Variants in STK32C observed in about 807,000 individuals in gnomAD.
The protein encoded by STK32C is serine/threonine kinase 32C.
A neutral mutation model predicts 56.5 loss-of-function variants in STK32C; 31 were observed. The observed-to-expected ratio is 0.55, with a 90% CI of 0.41 to 0.74. STK32C has a LOEUF of 0.74. Ranked by LOEUF, STK32C falls within the 30% of genes least tolerant of loss-of-function variation. STK32C has a pLI of 0.00. For missense variants in STK32C, 544 were observed against 676.9 expected, an observed-to-expected ratio of 0.80 and a Z score of 2.18; for synonymous variants, 309 against 289.4, an observed-to-expected ratio of 1.07 and a Z score of -0.69.
In STK32C at chr10:132,280,113, C is replaced by CACT. The variant is rs376388399; in HGVS notation, c.262+27456_262+27458dup. Among the ~76,000 whole-genome samples the CACT allele has an allele frequency of 1.7e-3, 247 of 144,212 alleles. 4 individuals carry two copies. Among genetic ancestry groups the CACT allele is most frequent in the African/African-American group, 5.9e-3 (227 of 38,518 alleles). The allele number at this position is 144,212 out of a possible 152,430, so 94.6% of individuals were successfully genotyped here. A position where few individuals can be genotyped will look rare whatever the true frequency, so the allele number is the denominator to read the frequency against. ...TGATCACACCCCTGCATTCCGTGAT[C>CACT]ACTCTGAGGCCTCCACTCTGTGATC... On this transcript the variant is annotated intron_variant, in intron 1 of 11. Coordinates refer to ENST00000298630, the MANE Select transcript of STK32C (RefSeq NM_173575.4).
chr10:132,329,672 A>T (rs1175935112), intron 1 of STK32C, among the ~76,000 whole-genome samples: 1 of 152,208 alleles, frequency 6.6e-6, no homozygotes. Context: ...TGGGAAGCGC[A>T]GTTTGAGAGA....
intron 1 of STK32C, among the ~76,000 whole-genome samples, chr10:132,257,893 A>G (rs2064181438): frequency 6.6e-6 from 1 of 152,058 alleles, no homozygotes; most frequent in South Asian, 2.1e-4. Context: ...CTGAGGCCCA[A>G]AGGAGGCCGC....
intron 1 of STK32C, among the ~76,000 whole-genome samples, chr10:132,300,567 T>C (rs188118654): frequency 9.2e-5 from 14 of 152,374 alleles, no homozygotes; most frequent in African/African-American, 2.9e-4. Context: ...GAAGCAGGCA[T>C]ACCATACAAA....
At chr10:132,302,933 C>T (rs561829634) in intron 1 of STK32C, among the ~76,000 whole-genome samples, 2 of 152,312 alleles carry the variant, frequency 1.3e-5, no homozygotes, top group South Asian at 4.1e-4. Context: ...ACAGACCACC[C>T]AGAAAGCCAA....
intron 1 of STK32C, among the ~76,000 whole-genome samples, chr10:132,329,087 A>T (rs1233912479): frequency 6.6e-6 from 1 of 152,264 alleles, no homozygotes; most frequent in Non-Finnish European, 1.5e-5. Flanking sequence ...AGATGAAAAC[A>T]ATAAAGCACA....
At chr10:132,260,382 G>A (rs11146274) in intron 1 of STK32C, among the ~76,000 whole-genome samples, 53,234 of 151,810 alleles carry the variant, frequency 0.35, 9,602 homozygotes, top group Admixed American at 0.46. Flanking sequence ...AGGCCAAGCC[G>A]GAGCCAGCGC....
intron 1 of STK32C, among the ~76,000 whole-genome samples, chr10:132,314,863 G>A (rs370223282): frequency 1.4e-4 from 21 of 152,272 alleles, no homozygotes; most frequent in African/African-American, 4.6e-4. Flanking sequence ...TTGGCCAGGC[G>A]CAGTGGCTCA....
chr10:132,236,129 G>T (rs1307417773), intron 2 of STK32C, among the ~76,000 whole-genome samples: 1 of 151,980 alleles, frequency 6.6e-6, no homozygotes, highest in Non-Finnish European at 1.5e-5. Context: ...GAAGAGTTGA[G>T]GCAATGCTTC....
At position 132,225,290 on chromosome 10, in the gene STK32C, G is replaced by C; in HGVS notation, c.819C>G (p.Ser273=). The C allele has an allele frequency of 1.9e-6, 3 of 1,607,782 alleles. No homozygotes were observed. The highest frequency in any genetic ancestry group is 3.4e-5 in the Admixed American group (2 of 59,610). ...CCACCGACCACCAGTCCACCTCGAA[G>C]GAGTAGCCGGTCCCGCCGTTGACAA... The part of the protein sequence containing the change: ...HSFVNGGTGY[S]FEVDWWSVGV... The change falls in exon 7 of 12, where the codon TCC becomes TCG. Residue 273 remains serine (S), a synonymous_variant. Transcript: ENST00000298630.
intron 2 of STK32C, among the ~76,000 whole-genome samples, chr10:132,240,110 G>A (rs1032692630): frequency 1.3e-5 from 2 of 151,928 alleles, no homozygotes; most frequent in Admixed American, 6.6e-5. Flanking sequence ...CCCCCCCAGG[G>A]CAGAGCCTGG....
chr10:132,281,687 C>T (rs1037352001), intron 1 of STK32C, among the ~76,000 whole-genome samples: 1 of 152,222 alleles, frequency 6.6e-6, no homozygotes, highest in South Asian at 2.1e-4. Context: ...CAGGGAGTAT[C>T]CCCCTGGGCC....
chr10:132,287,859 T>G lies in STK32C; in HGVS notation c.262+19713A>C, dbSNP rs556307626. ...GAAGAGTACAAATAATACTAATGAGTAGCAGAAATTTACAAGCTGGGATAA... is the reference window on the plus strand; with the variant it reads ...GAAGAGTACAAATAATACTAATGAGGAGCAGAAATTTACAAGCTGGGATAA... On this transcript the variant is annotated intron_variant, in intron 1 of 11. Coordinates refer to ENST00000298630, the MANE Select transcript of STK32C (RefSeq NM_173575.4). Among the ~76,000 whole-genome samples the G allele has an allele frequency of 2.6e-5, 4 of 152,166 alleles. No homozygotes were observed. The East Asian group carries it at 5.8e-4, about 22-fold the overall frequency.
At chr10:132,268,894 T>G (rs2064712952) in intron 1 of STK32C, among the ~76,000 whole-genome samples, 2 of 148,058 alleles carry the variant, frequency 1.4e-5, no homozygotes, top group Admixed American at 6.7e-5. Context: ...TGTGTGTCGG[T>G]GTGTGTGCAT....
intron 1 of STK32C, among the ~76,000 whole-genome samples, chr10:132,301,132 C>T (rs948407458): frequency 2.6e-5 from 4 of 152,006 alleles, no homozygotes; most frequent in Admixed American, 6.6e-5. Flanking sequence ...AGCTTCCTAA[C>T]GCCCAGTAGA....
chr10:132,226,856 G>A lies in STK32C; in HGVS notation c.583C>T (p.Leu195=), dbSNP rs747845334. The A allele has an allele frequency of 6.8e-6, 11 of 1,613,302 alleles. No homozygotes were observed. The Admixed American group carries it at 1.3e-4, about 20-fold the overall frequency. Residue 195 remains leucine, a synonymous_variant, in exon 4 of 12, where the codon CTG becomes TTG. Coordinates refer to ENST00000298630, the MANE Select transcript of STK32C (RefSeq NM_173575.4). The stretch of plus-strand genomic sequence containing the variant: ...GCCAGTGCCATCTCGCAGATGTACA[G>A]CCTCACCGTGTCCTCGGAGAACTGC... ...NVQFSEDTVR[L]YICEMALALD... is the part of the protein sequence containing the mutation.
At chr10:132,267,801 G>A (rs1274845072) in intron 1 of STK32C, among the ~76,000 whole-genome samples, 2 of 126,182 alleles carry the variant, frequency 1.6e-5, no homozygotes, top group East Asian at 2.2e-4. Context: ...CTGTGTGCAT[G>A]CATGTCCCAC....
At chr10:132,271,400 G>C (rs1160345117) in intron 1 of STK32C, among the ~76,000 whole-genome samples, 1 of 152,194 alleles carries the variant, frequency 6.6e-6, no homozygotes, top group Non-Finnish European at 1.5e-5. Flanking sequence ...TCAGAACAGA[G>C]GCCACGTTCC....
chr10:132,330,049 G>T (rs2066611018), intron 1 of STK32C, among the ~76,000 whole-genome samples: 1 of 152,186 alleles, frequency 6.6e-6, no homozygotes, highest in South Asian at 2.1e-4. Flanking sequence ...CAGCTCCACA[G>T]CCACTCAATA....
intron 1 of STK32C, among the ~76,000 whole-genome samples, chr10:132,283,058 A>T (rs1413354915): frequency 6.6e-6 from 1 of 152,234 alleles, no homozygotes; most frequent in African/African-American, 2.4e-5. Flanking sequence ...CCATGCAGCC[A>T]ACCCGGGGGC....
Sources: allele counts gnomAD v4.1 joint callset (sites outside exome capture counted in the v4.1 genomes callset), GRCh38; gene constraint gnomAD v4.1.1; transcripts MANE v1.5; gene names NCBI Gene and HGNC (gene_info 2026-07-23, HGNC 2026-07-21).